The following LINGO2 variants were observed in gnomAD, a reference collection of about 807,000 sequenced individuals.
LINGO2 encodes the protein leucine rich repeat and Ig domain containing 2.
LINGO2 carries 14 observed loss-of-function variants against 30.6 expected under a neutral mutation model. That is an observed-to-expected ratio of 0.46 (90% confidence interval 0.30 to 0.72). The LOEUF is 0.72. Among genes scored for constraint, LINGO2 ranks in the 30% least tolerant of loss-of-function variants. The probability of loss-of-function intolerance (pLI) is 0.07; values close to 1 mark genes in which losing one functional copy is unlikely to be tolerated. For missense variants in LINGO2, 729 were observed against 751.7 expected (o/e 0.97, Z 0.35); for synonymous variants, 317 against 288.5 (o/e 1.10, Z -1.00).
chr9:29,099,114 A>G, the LINGO2 span, among the ~76,000 whole-genome samples: 6 of 152,328 alleles, frequency 3.9e-5, no homozygotes, highest in African/African-American at 1.2e-4. Flanking sequence ...AAAGATTCCA[A>G]TTACATACAC....
At chr9:29,104,996 C>G in the LINGO2 span, among the ~76,000 whole-genome samples, 1 of 152,152 alleles carries the variant, frequency 6.6e-6, no homozygotes, top group Non-Finnish European at 1.5e-5. Flanking sequence ...GCAATGGGTT[C>G]TCTTTAGTCA....
the LINGO2 span, among the ~76,000 whole-genome samples, chr9:29,144,993 T>C: frequency 6.6e-6 from 1 of 152,214 alleles, no homozygotes; most frequent in Non-Finnish European, 1.5e-5. Context: ...CTGCTTTGTT[T>C]TGGATGCGTT....
chr9:28,756,656 A>T, the LINGO2 span, among the ~76,000 whole-genome samples: 1 of 151,936 alleles, frequency 6.6e-6, no homozygotes, highest in Non-Finnish European at 1.5e-5. Flanking sequence ...ATTGGATCAT[A>T]GGGTTGGTTT....
chr9:29,101,217 A>G, the LINGO2 span, among the ~76,000 whole-genome samples: 1 of 152,180 alleles, frequency 6.6e-6, no homozygotes, highest in Non-Finnish European at 1.5e-5. Flanking sequence ...CAACATTTAT[A>G]CCACCGTTAG....
At chr9:28,546,443 G>C (rs1478389386) in intron 1 of LINGO2, among the ~76,000 whole-genome samples, 1 of 152,046 alleles carries the variant, frequency 6.6e-6, no homozygotes, top group African/African-American at 2.4e-5. Context: ...GACTGAGTGA[G>C]GGAACTCAGC....
At chr9:28,210,706 A>T (rs1820559876) in intron 4 of LINGO2, among the ~76,000 whole-genome samples, 1 of 151,670 alleles carries the variant, frequency 6.6e-6, no homozygotes, top group African/African-American at 2.4e-5. Context: ...TAGGTGTAAA[A>T]CTGGTAGAGT....
chr9:28,688,611 T>C, the LINGO2 span, among the ~76,000 whole-genome samples: 2 of 152,184 alleles, frequency 1.3e-5, no homozygotes, highest in Non-Finnish European at 2.9e-5. Flanking sequence ...AAAAGCTGTG[T>C]TCCTCATTTA....
the LINGO2 span, among the ~76,000 whole-genome samples, chr9:29,137,612 A>G: frequency 2.0e-5 from 3 of 152,166 alleles, no homozygotes; most frequent in Non-Finnish European, 4.4e-5. Flanking sequence ...TTTCTTTTGA[A>G]TTTGTTCTAC....
intron 4 of LINGO2, among the ~76,000 whole-genome samples, chr9:28,255,707 T>C (rs961967540): frequency 1.3e-5 from 2 of 152,128 alleles, no homozygotes; most frequent in Non-Finnish European, 2.9e-5. Flanking sequence ...TGAAATTCTA[T>C]GATGGCTTTC....
chr9:29,163,612 A>T, the LINGO2 span, among the ~76,000 whole-genome samples: 1 of 152,180 alleles, frequency 6.6e-6, no homozygotes, highest in African/African-American at 2.4e-5. Flanking sequence ...CACACATAGT[A>T]GACATATACT....
intron 4 of LINGO2, among the ~76,000 whole-genome samples, chr9:28,197,450 G>C (rs879834988): frequency 2.6e-5 from 4 of 151,706 alleles, no homozygotes; most frequent in Non-Finnish European, 5.9e-5. Context: ...TAATAAAGAT[G>C]GCATTTCAAT....
At chr9:27,961,190 A>C (rs563715077) in intron 5 of LINGO2, among the ~76,000 whole-genome samples, 1 of 152,320 alleles carries the variant, frequency 6.6e-6, no homozygotes, top group East Asian at 1.9e-4. Flanking sequence ...TGTTGTGAGC[A>C]CATATAAGTT....
chr9:28,296,980 T>G (rs2134191076), intron 3 of LINGO2, among the ~76,000 whole-genome samples: 1 of 152,338 alleles, frequency 6.6e-6, no homozygotes, highest in African/African-American at 2.4e-5. Context: ...CAAACCTGTT[T>G]TCATGAATGA....
the LINGO2 span, among the ~76,000 whole-genome samples, chr9:28,736,270 T>G: frequency 6.9e-4 from 105 of 152,212 alleles, 1 homozygote; most frequent in South Asian, 2.9e-3. Flanking sequence ...GCTCATAATT[T>G]TCTGAGTTTA....
In LINGO2 at chr9:27,958,844, A is replaced by T. The variant is rs183069988; in HGVS notation, c.-35-8138T>A. Reference sequence around the variant, plus strand: ...CTTGATTTTTGTTCTCTTTTTCCTAAGAAGTTTGTATAGAATTTTTATTAT... The same window carrying T: ...CTTGATTTTTGTTCTCTTTTTCCTATGAAGTTTGTATAGAATTTTTATTAT... On this transcript the variant is annotated intron_variant, in intron 5 of 5. Coordinates refer to ENST00000379992, the Ensembl canonical transcript of LINGO2. Among the ~76,000 whole-genome samples, 9 of 152,252 alleles carry T rather than the reference A, an allele frequency of 5.9e-5. No homozygotes were observed. In the East Asian group the frequency reaches 1.7e-3, roughly 29 times the overall value.
chr9:28,064,296 C>T (rs1825243397), intron 4 of LINGO2, among the ~76,000 whole-genome samples: 1 of 152,102 alleles, frequency 6.6e-6, no homozygotes, highest in African/African-American at 2.4e-5. Flanking sequence ...TGAGGTTGTA[C>T]CCATTCAACC....
chr9:28,934,111 T>C, the LINGO2 span, among the ~76,000 whole-genome samples: 1 of 152,334 alleles, frequency 6.6e-6, no homozygotes, highest in East Asian at 1.9e-4. Flanking sequence ...GATCCAGCTC[T>C]CTGAAAATTC....
At chr9:28,410,019 G>C in intron 2 of LINGO2, among the ~76,000 whole-genome samples, 1 of 148,422 alleles carries the variant, frequency 6.7e-6, no homozygotes, top group Non-Finnish European at 1.5e-5. Flanking sequence ...AGGGAGGGAG[G>C]GAGAGAGACA....
the LINGO2 span, among the ~76,000 whole-genome samples, chr9:28,965,016 A>G: frequency 5.9e-5 from 9 of 151,876 alleles, no homozygotes; most frequent in Non-Finnish European, 1.3e-4. Context: ...ATAAGAGAAT[A>G]ATCTTATATT....
Sources: gnomAD v4.1 joint callset for allele counts (sites outside exome capture counted in the v4.1 genomes callset) on GRCh38, gnomAD v4.1.1 for gene constraint, MANE v1.5 for transcripts, NCBI Gene and HGNC (gene_info 2026-07-23, HGNC 2026-07-21) for gene names.